Variants in ACACA observed in about 807,000 individuals in gnomAD.
ACACA encodes the protein acetyl-CoA carboxylase 1.
In ACACA, 103 loss-of-function variants were observed where a neutral mutation model predicts 296.1. That is an observed-to-expected ratio of 0.35 (90% CI 0.30 to 0.41). The LOEUF is 0.41. Ranked by LOEUF, ACACA falls within the 10% of genes least tolerant of loss-of-function variation. The pLI, the probability that ACACA is intolerant of heterozygous loss-of-function variation, is 1.00. For synonymous variants in ACACA, 953 were observed against 1,038.6 expected (o/e 0.92, Z 1.58); for missense variants, 1,554 against 2,989.7 (o/e 0.52, Z 11.20).
intron 52 of ACACA, among the ~76,000 whole-genome samples, chr17:37,105,592 C>T (rs138660716): frequency 3.1e-4 from 47 of 152,214 alleles, no homozygotes; most frequent in African/African-American, 9.6e-4. Context: ...GCGCCAGGCA[C>T]GGTGGCTCAT....
Position 37,353,917 on chromosome 17 carries a change from G to C in ACACA, c.39-14067C>G, listed in dbSNP as rs368911629. On this transcript the variant is annotated intron_variant, in intron 1 of 55. Coordinates refer to ENST00000616317, the MANE Select transcript of ACACA (RefSeq NM_198834.3). Reference sequence around the variant, plus strand: ...GAGCCTAGGAGTTCGAAACCAGCCTGAGCATTACACTGAGACCTCATCTCT... The same window carrying C: ...GAGCCTAGGAGTTCGAAACCAGCCTCAGCATTACACTGAGACCTCATCTCT... 3.9e-5 allele frequency among the ~76,000 whole-genome samples: 6 copies of C among 152,190 alleles called. No homozygotes were observed. In the East Asian group the frequency reaches 1.2e-3, roughly 29 times the overall value.
At chr17:37,390,620 C>T (rs1411400558) in intron 1 of ACACA, among the ~76,000 whole-genome samples, 2 of 149,488 alleles carry the variant, frequency 1.3e-5, no homozygotes, top group African/African-American at 4.9e-5. Flanking sequence ...GAGCAAGACT[C>T]CGTCTCAAAA....
At chr17:37,107,109 G>A (rs1408576347) in intron 52 of ACACA, among the ~76,000 whole-genome samples, 3 of 152,104 alleles carry the variant, frequency 2.0e-5, no homozygotes, top group Non-Finnish European at 2.9e-5. Context: ...CCTCCTTACC[G>A]CAAAGGACAC....
intron 41 of ACACA, among the ~76,000 whole-genome samples, chr17:37,174,803 T>C (rs4795176): frequency 0.32 from 48,844 of 151,584 alleles, 9,562 homozygotes; most frequent in African/African-American, 0.54. Context: ...AGTGCTGGGA[T>C]TACAGGTATA....
chr17:37,223,728 T>A, intron 27 of ACACA, 127 bp from the exon 28 acceptor site: 1 of 721,624 alleles, frequency 1.4e-6, no homozygotes, highest in Non-Finnish European at 2.5e-6. Context: ...AATCTCTCTG[T>A]GCCTCAGCTT....
chr17:37,268,964 T>G (rs2081942533), intron 10 of ACACA, among the ~76,000 whole-genome samples: 1 of 151,072 alleles, frequency 6.6e-6, no homozygotes, highest in African/African-American at 2.4e-5. Flanking sequence ...TTTTTTCTTT[T>G]TGCTTCTAAG....
intron 12 of ACACA, among the ~76,000 whole-genome samples, chr17:37,258,685 A>G (rs917437802): frequency 3.3e-5 from 5 of 152,238 alleles, no homozygotes; most frequent in Non-Finnish European, 7.3e-5. Context: ...GTAAATGTTA[A>G]TAGCCATCCA....
chr17:37,372,081 A>G (rs546479401), intron 1 of ACACA, among the ~76,000 whole-genome samples: 2 of 152,080 alleles, frequency 1.3e-5, no homozygotes, highest in Non-Finnish European at 1.5e-5. Flanking sequence ...TTAAAAACAA[A>G]CCAAAACAAA....
chr17:37,277,218 T>C (rs2082319659), intron 6 of ACACA, 104 bp from the exon 7 acceptor site: 1 of 977,832 alleles, frequency 1.0e-6, no homozygotes, highest in Admixed American at 1.8e-5. Context: ...GGTACAGTAG[T>C]TCCACAGCAG....
intron 52 of ACACA, among the ~76,000 whole-genome samples, chr17:37,100,735 A>G (rs138870511): frequency 1.3e-5 from 2 of 152,248 alleles, no homozygotes; most frequent in East Asian, 3.9e-4. Context: ...CTTGATTTTG[A>G]TAAATGTATT....
At chr17:37,298,440 T>G (rs2083458514) in intron 3 of ACACA, among the ~76,000 whole-genome samples, 1 of 152,166 alleles carries the variant, frequency 6.6e-6, no homozygotes, top group Admixed American at 6.5e-5. Context: ...CCAACACTTC[T>G]GGAGGCCAAA....
intron 41 of ACACA, among the ~76,000 whole-genome samples, chr17:37,167,600 C>T (rs1174636880): frequency 2.0e-5 from 3 of 150,530 alleles, no homozygotes; most frequent in Non-Finnish European, 4.4e-5. Context: ...ATAGCAGGCA[C>T]GAGCCACCGC....
intron 26 of ACACA, among the ~76,000 whole-genome samples, chr17:37,225,775 T>C (rs2079518328): frequency 6.6e-6 from 1 of 152,208 alleles, no homozygotes; most frequent in African/African-American, 2.4e-5. Flanking sequence ...CAAATGCTGC[T>C]TCCTTGTCAA....
chr17:37,123,078 G>C (rs2074603881), intron 48 of ACACA, among the ~76,000 whole-genome samples: 1 of 152,194 alleles, frequency 6.6e-6, no homozygotes, highest in Non-Finnish European at 1.5e-5. Context: ...TTGCTGAAAT[G>C]GAGCTGTAGT....
chr17:37,193,911 A>G (rs1349112048), intron 35 of ACACA, among the ~76,000 whole-genome samples: 16 of 152,186 alleles, frequency 1.1e-4, no homozygotes, highest in Admixed American at 1.0e-3. Context: ...GGTTTAAATG[A>G]TAACATTTGA....
At chr17:37,243,952 G>T (rs868831574) in intron 21 of ACACA, among the ~76,000 whole-genome samples, 1 of 152,150 alleles carries the variant, frequency 6.6e-6, no homozygotes. Flanking sequence ...GGCCTCAAGC[G>T]ATCTTTCCAT....
chr17:37,112,309 GATA>G (rs557201761), intron 51 of ACACA, among the ~76,000 whole-genome samples: 271 of 152,158 alleles, frequency 1.8e-3, no homozygotes, highest in Middle Eastern at 3.4e-3. Context: ...AAAAATTATA[GATA>G]ATGTTTACTA....
intron 52 of ACACA, among the ~76,000 whole-genome samples, chr17:37,098,815 T>G (rs2073151635): frequency 6.6e-6 from 1 of 152,200 alleles, no homozygotes; most frequent in African/African-American, 2.4e-5. Flanking sequence ...TTGGAACCCC[T>G]TATACCAAGG....
At chr17:37,188,004 T>G (rs1346889795) in intron 39 of ACACA, among the ~76,000 whole-genome samples, 1 of 152,222 alleles carries the variant, frequency 6.6e-6, no homozygotes, top group Non-Finnish European at 1.5e-5. Flanking sequence ...AATTGCAGAA[T>G]AACCTCTGGA....
Sources: gnomAD v4.1 joint callset for allele counts (sites outside exome capture counted in the v4.1 genomes callset) on GRCh38, gnomAD v4.1.1 for gene constraint, MANE v1.5 for transcripts, NCBI Gene and HGNC (gene_info 2026-07-23, HGNC 2026-07-21) for gene names.